Variants in DCBLD2 observed in about 807,000 individuals in gnomAD.
DCBLD2 encodes discoidin, CUB and LCCL domain containing 2, also known as discoidin, CUB and LCCL domain-containing protein 2.
DCBLD2 carries 54 observed loss-of-function variants against 86.8 expected under a neutral mutation model. That is an observed-to-expected ratio of 0.62 (90% CI 0.50 to 0.78). The LOEUF is 0.78. DCBLD2 is among the 30% of genes least tolerant of loss of function. DCBLD2 has a pLI of 0.00. For synonymous variants in DCBLD2, 354 were observed against 341.3 expected (o/e 1.04, Z -0.41); for missense variants, 908 against 954.2 (o/e 0.95, Z 0.64).
At chr3:98,892,041 C>T (rs186763948) in intron 1 of DCBLD2, among the ~76,000 whole-genome samples, 14 of 152,272 alleles carry the variant, frequency 9.2e-5, no homozygotes, top group East Asian at 3.9e-4. Context: ...TTAGCACATG[C>T]TGTTGAATGA....
intron 2 of DCBLD2, among the ~76,000 whole-genome samples, chr3:98,876,824 C>T (rs1943380715): frequency 6.6e-6 from 1 of 152,136 alleles, no homozygotes; most frequent in Non-Finnish European, 1.5e-5. Flanking sequence ...GAGTTCTATA[C>T]TGCTATAAAA....
chr3:98,852,036 A>C (rs1295161727), intron 2 of DCBLD2, among the ~76,000 whole-genome samples: 2 of 152,240 alleles, frequency 1.3e-5, no homozygotes, highest in Non-Finnish European at 2.9e-5. Flanking sequence ...AGACTGCATG[A>C]CTAAAACACC....
chr3:98,852,833 G>T (rs1426380867), intron 2 of DCBLD2, among the ~76,000 whole-genome samples: 2 of 152,058 alleles, frequency 1.3e-5, no homozygotes, highest in Admixed American at 1.3e-4. Context: ...AGAAAATGGG[G>T]ACCTCAGTTT....
chr3:98,842,429 G>A (rs184005830), intron 3 of DCBLD2, among the ~76,000 whole-genome samples: 21 of 152,256 alleles, frequency 1.4e-4, no homozygotes, highest in African/African-American at 4.3e-4. Flanking sequence ...CTGCAATTCT[G>A]TTAAGAGAAA....
intron 7 of DCBLD2, among the ~76,000 whole-genome samples, chr3:98,819,923 C>G (rs1265389410): frequency 6.6e-6 from 1 of 152,186 alleles, no homozygotes; most frequent in Non-Finnish European, 1.5e-5. Context: ...TCACTTTACT[C>G]TATCACTCGA....
chr3:98,865,710 T>TTA (rs905485851), intron 2 of DCBLD2, among the ~76,000 whole-genome samples: 10 of 151,934 alleles, frequency 6.6e-5, no homozygotes, highest in Non-Finnish European at 1.0e-4. Flanking sequence ...TTTTCTTTTT[T>TTA]TATATATATA....
At chr3:98,859,021 T>C (rs2470866) in intron 2 of DCBLD2, among the ~76,000 whole-genome samples, 147,937 of 152,254 alleles carry the variant, frequency 0.97, 72,033 homozygotes, top group East Asian at 1. Flanking sequence ...GGGTCACTTC[T>C]GCCCTAATAC....
Position 98,798,521 on chromosome 3 carries a change from G to A in DCBLD2, c.*851C>T, listed in dbSNP as rs1274699203. The stretch of plus-strand genomic sequence containing the variant: ...TAGGAAAAATCCCATTGCAAATAAA[G>A]TTGGGGGTGGGAGAAGAATCTCCTT... On this transcript the variant is annotated 3_prime_UTR_variant, in exon 16 of 16. Transcript: ENST00000326840. 6.6e-6 allele frequency: 1 copy of A among 152,160 alleles called. No homozygotes were observed. The highest frequency in any genetic ancestry group is 1.5e-5 in the Non-Finnish European group (1 of 68,028). 9.4% of individuals were successfully genotyped at this position (152,160 alleles called of 1,614,324 possible). A position where few individuals can be genotyped will look rare whatever the true frequency, so the allele number is the denominator to read the frequency against.
In DCBLD2 at chr3:98,901,254, G is replaced by A; in HGVS notation, c.73C>T (p.Pro25Ser). ...CPQVRAAAAA[P>S]AWAALPLSRS... Reference sequence around the variant, plus strand: ...GAGAGGGGGAGCGCGGCCCAGGCGGGGGCGGCGGCCGCGGCCCGGACTTGG... The same window carrying A: ...GAGAGGGGGAGCGCGGCCCAGGCGGAGGCGGCGGCCGCGGCCCGGACTTGG... The change falls in exon 1 of 16, where the codon CCC becomes TCC. Residue 25 changes from proline (P) to serine (S), a missense_variant. Pro to Ser is a moderately conservative substitution (Grantham distance 74). Around this residue, in one of 3 missense-constraint regions of DCBLD2, gnomAD observed 294 missense variants for 256.0 expected, o/e 1.15. Coordinates refer to ENST00000326840, the MANE Select transcript of DCBLD2 (RefSeq NM_080927.4). 1 of 1,531,744 alleles carries A rather than the reference G, an allele frequency of 6.5e-7. No individual in the cohort carries two copies. The highest frequency in any genetic ancestry group is 8.7e-7 in the Non-Finnish European group (1 of 1,144,528). The allele number at this position is 1,531,744 out of a possible 1,614,324, so 94.9% of individuals were successfully genotyped here.
intron 3 of DCBLD2, among the ~76,000 whole-genome samples, chr3:98,838,018 C>T (rs1942509808): frequency 9.3e-6 from 1 of 108,064 alleles, no homozygotes; most frequent in Non-Finnish European, 2.0e-5. Flanking sequence ...CCTCACCTCC[C>T]GGACGGGGCG....
intron 2 of DCBLD2, among the ~76,000 whole-genome samples, chr3:98,881,210 C>A (rs1427656643): frequency 6.7e-6 from 1 of 149,994 alleles, no homozygotes; most frequent in Non-Finnish European, 1.5e-5. Context: ...GCCAAAATTG[C>A]GCCATTGCCC....
intron 2 of DCBLD2, among the ~76,000 whole-genome samples, chr3:98,856,719 G>A (rs571224638): frequency 5.3e-5 from 8 of 152,116 alleles, no homozygotes; most frequent in African/African-American, 1.4e-4. Context: ...ATGAGAGTTG[G>A]TTGACCTCAG....
chr3:98,859,403 A>T (rs1166909359), intron 2 of DCBLD2, among the ~76,000 whole-genome samples: 1 of 152,208 alleles, frequency 6.6e-6, no homozygotes, highest in African/African-American at 2.4e-5. Context: ...GGAGTCTGAG[A>T]TCTGAGAACA....
chr3:98,864,933 C>T (rs938607196), intron 2 of DCBLD2, among the ~76,000 whole-genome samples: 2 of 152,004 alleles, frequency 1.3e-5, no homozygotes, highest in African/African-American at 4.8e-5. Flanking sequence ...CCTCATGCTT[C>T]CTAGAATGGC....
chr3:98,833,209 C>T (rs184541721), intron 3 of DCBLD2, among the ~76,000 whole-genome samples: 6 of 152,216 alleles, frequency 3.9e-5, no homozygotes, highest in African/African-American at 9.6e-5. Context: ...CTTTCCTCAG[C>T]GTGGTCTATT....
intron 2 of DCBLD2, among the ~76,000 whole-genome samples, chr3:98,876,070 TAA>T (rs1458890091): frequency 6.6e-6 from 1 of 152,142 alleles, no homozygotes; most frequent in East Asian, 1.9e-4. Context: ...AATACATTTT[TAA>T]AAGTTTGCAT....
Position 98,819,332 on chromosome 3 carries a change from G to A in DCBLD2, c.957C>T (p.His319=). ...TASSVLEWTD[H]TGQENSWKPK... ...GTTTCCAACTGTTCTCTTGCCCTGT[G>A]TGGTCAGTCCACTCCAGCACAGATG... Residue 319 remains histidine (H), a synonymous_variant, in exon 8 of 16, where the codon CAC becomes CAT. Transcript: ENST00000326840. 1 of 1,613,780 alleles carries A rather than the reference G, an allele frequency of 6.2e-7. No individual in the cohort carries two copies. The highest frequency in any genetic ancestry group is 2.2e-5 in the East Asian group (1 of 44,872).
At chr3:98,886,982 T>C (rs1943575260) in intron 1 of DCBLD2, among the ~76,000 whole-genome samples, 1 of 151,958 alleles carries the variant, frequency 6.6e-6, no homozygotes, top group Non-Finnish European at 1.5e-5. Flanking sequence ...GCTGATTCCA[T>C]ATGACTTTCC....
chr3:98,800,549 C>G, intron 15 of DCBLD2, 30 bp downstream of exon 15: 5 of 1,596,880 alleles, frequency 3.1e-6, no homozygotes, highest in Non-Finnish European at 4.3e-6. Context: ...TCTCCCTCTG[C>G]CTGGTACCAG....
Sources: gnomAD v4.1 joint callset for allele counts (sites outside exome capture counted in the v4.1 genomes callset) on GRCh38, gnomAD v4.1.1 for gene constraint, gnomAD v4.1.1 regional missense constraint, MANE v1.5 for transcripts, NCBI Gene and HGNC (gene_info 2026-07-23, HGNC 2026-07-21) for gene names.